The following CPXM2 variants were observed in gnomAD, a reference collection of about 807,000 sequenced individuals.
CPXM2 encodes carboxypeptidase X, M14 family member 2.
CPXM2 carries 66 observed loss-of-function variants against 86.1 expected under a neutral mutation model. That is an observed-to-expected ratio of 0.77 (90% CI 0.63 to 0.94). The LOEUF (loss-of-function observed/expected upper bound fraction) is 0.94, where lower values mean the gene tolerates loss of function less well. Ranked by LOEUF, CPXM2 falls within the 40% of genes least tolerant of loss-of-function variation. CPXM2 has a pLI of 0.00. For synonymous variants in CPXM2, 388 were observed against 400.2 expected, an observed-to-expected ratio of 0.97 and a Z score of 0.36; for missense variants, 948 against 1,026.3, an observed-to-expected ratio of 0.92 and a Z score of 1.04.
intron 2 of CPXM2, 66 bp downstream of exon 2, chr10:123,880,145 T>TGGGGGCCCCCCCCCCCCCAC: frequency 2.5e-6 from 1 of 407,580 alleles, no homozygotes; most frequent in Non-Finnish European, 4.8e-6. Flanking sequence ...CAGGGGCCTG[T>TGGGGGCCCCCCCCCCCCCAC]ACCCACCCAC....
chr10:123,770,771 G>A (rs1386169183), intron 8 of CPXM2, 145 bp downstream of exon 8: 2 of 823,344 alleles, frequency 2.4e-6, no homozygotes, highest in Non-Finnish European at 3.8e-6. Context: ...GCCAACATGG[G>A]CAAAATCTGT....
intron 4 of CPXM2, among the ~76,000 whole-genome samples, chr10:123,825,597 A>T (rs1351102565): frequency 2.0e-5 from 3 of 152,170 alleles, no homozygotes; most frequent in Non-Finnish European, 4.4e-5. Flanking sequence ...CAGCTGCTAA[A>T]CCTCACCTTG....
At chr10:123,779,864 C>T (rs1846892511) in intron 7 of CPXM2, among the ~76,000 whole-genome samples, 1 of 151,920 alleles carries the variant, frequency 6.6e-6, no homozygotes, top group African/African-American at 2.4e-5. Context: ...TGCATATGAC[C>T]AACATCCTTA....
At chr10:123,887,931 T>C (rs532884975) in intron 1 of CPXM2, among the ~76,000 whole-genome samples, 2 of 152,338 alleles carry the variant, frequency 1.3e-5, no homozygotes, top group East Asian at 1.9e-4. Context: ...TTCTGTTTAA[T>C]ATATTGGGGC....
chr10:123,858,299 G>A (rs1848784574), intron 3 of CPXM2, among the ~76,000 whole-genome samples: 1 of 152,226 alleles, frequency 6.6e-6, no homozygotes, highest in Admixed American at 6.5e-5. Flanking sequence ...ATCCATATGT[G>A]CAGACACCGC....
Position 123,767,027 on chromosome 10 carries a change from T to C in CPXM2, c.1425A>G (p.Lys475=), listed in dbSNP as rs2133998701. 1.9e-6 allele frequency: 3 copies of C among 1,614,228 alleles called. No homozygotes were observed. Among genetic ancestry groups the C allele is most frequent in the South Asian group, 2.2e-5 (2 of 91,082 alleles). ...GGATTGCAATATAGTGATTGGGAAC[T>C]TTCCTGGGGACATTCTGTCGATCCT... ...EAEDRQNVPR[K]VPNHYIAIPE... is the part of the protein sequence containing the mutation. Residue 475 remains lysine, a synonymous_variant, in exon 10 of 14, where the codon AAA becomes AAG. Transcript: ENST00000241305.
intron 2 of CPXM2, among the ~76,000 whole-genome samples, chr10:123,931,246 T>TA (rs144761733): frequency 0.05 from 7,672 of 152,002 alleles, 305 homozygotes; most frequent in African/African-American, 0.11. Context: ...CGAACCCCAG[T>TA]AAAAAAAACC....
At chr10:123,871,806 T>C (rs1431562974) in intron 2 of CPXM2, among the ~76,000 whole-genome samples, 7 of 152,284 alleles carry the variant, frequency 4.6e-5, no homozygotes, top group Non-Finnish European at 1.0e-4. Flanking sequence ...ATATTCACTA[T>C]GCATGTATCT....
In CPXM2 at chr10:123,763,133, G is replaced by T. The variant is rs186255662; in HGVS notation, c.1480-964C>A. ...TGGCTCACTGCAACCTCCGCCTCCC[G>T]GGTTCAGGCGATTCCCCTACCTCAG... On this transcript the variant is annotated intron_variant, in intron 10 of 13. Transcript: ENST00000241305. Among the ~76,000 whole-genome samples, 226 of 152,208 alleles carry T rather than the reference G, an allele frequency of 1.5e-3. 1 individual carries two copies. The highest frequency in any genetic ancestry group is 5.1e-3 in the African/African-American group (211 of 41,518).
At chr10:123,829,850 C>A (rs1476857506) in intron 4 of CPXM2, among the ~76,000 whole-genome samples, 5 of 151,772 alleles carry the variant, frequency 3.3e-5, no homozygotes, top group African/African-American at 9.7e-5. Context: ...CAAAAGTAAA[C>A]CCCACAATAG....
At chr10:123,822,580 G>A (rs1357098819) in intron 4 of CPXM2, among the ~76,000 whole-genome samples, 6 of 152,068 alleles carry the variant, frequency 3.9e-5, no homozygotes, top group South Asian at 2.1e-4. Context: ...GCACTTCTCG[G>A]GAGGTGATAT....
intron 13 of CPXM2, chr10:123,752,360 G>A (rs1156973327): frequency 6.1e-6 from 6 of 984,698 alleles, no homozygotes; most frequent in Admixed American, 6.2e-5. Flanking sequence ...CAAATGGTAG[G>A]AATGTTCAGA....
At chr10:123,927,317 C>T (rs1462574827) in intron 2 of CPXM2, among the ~76,000 whole-genome samples, 3 of 152,220 alleles carry the variant, frequency 2.0e-5, no homozygotes, top group African/African-American at 4.8e-5. Context: ...TCAGTGTTCT[C>T]ATCCATAAAG....
intron 4 of CPXM2, among the ~76,000 whole-genome samples, chr10:123,802,405 T>G (rs1375481450): frequency 2.0e-5 from 3 of 152,246 alleles, no homozygotes; most frequent in African/African-American, 7.2e-5. Flanking sequence ...TGTCCTAGGT[T>G]TATAAAGGCT....
intron 4 of CPXM2, among the ~76,000 whole-genome samples, chr10:123,837,268 C>G (rs924009561): frequency 6.6e-6 from 1 of 152,206 alleles, no homozygotes; most frequent in African/African-American, 2.4e-5. Flanking sequence ...AGCAGAAGTT[C>G]CATCCATCTT....
intron 6 of CPXM2, among the ~76,000 whole-genome samples, chr10:123,795,803 G>T (rs544432375): frequency 9.2e-5 from 14 of 152,240 alleles, no homozygotes; most frequent in African/African-American, 3.4e-4. Context: ...CTTTGTGAGG[G>T]TTTAAAGGCC....
chr10:123,773,217 C>T (rs1199177824), intron 7 of CPXM2, among the ~76,000 whole-genome samples: 1 of 131,482 alleles, frequency 7.6e-6, no homozygotes. Flanking sequence ...TCATCAGCTC[C>T]CTCATTGTGG....
chr10:123,799,313 C>T lies in CPXM2; in HGVS notation c.654-114G>A, dbSNP rs533065221. 3.3e-5 allele frequency: 41 copies of T among 1,251,602 alleles called. No individual in the cohort carries two copies. The South Asian group carries it at 5.2e-4, about 16-fold the overall frequency. 77.5% of individuals were successfully genotyped at this position (1,251,602 alleles called of 1,614,324 possible). On this transcript the variant is annotated intron_variant, in intron 4 of 13. Transcript: ENST00000241305. ...CAGAGGCAGATGGCACTGGGTCAAACCCTGGCTCCAGGACATTTACAGCTC... is the reference window on the plus strand; with the variant it reads ...CAGAGGCAGATGGCACTGGGTCAAATCCTGGCTCCAGGACATTTACAGCTC...
At chr10:123,884,096 G>GAA (rs369944347) in intron 1 of CPXM2, among the ~76,000 whole-genome samples, 2 of 149,074 alleles carry the variant, frequency 1.3e-5, no homozygotes, top group African/African-American at 4.9e-5. Context: ...CCAGAAGCCA[G>GAA]AAAAAAAAAA....
Sources: gnomAD v4.1 joint callset for allele counts (sites outside exome capture counted in the v4.1 genomes callset) on GRCh38, gnomAD v4.1.1 for gene constraint, MANE v1.5 for transcripts, NCBI Gene and HGNC (gene_info 2026-07-23, HGNC 2026-07-21) for gene names.